EDA: variants seen among roughly 807,000 people sequenced by gnomAD.
The protein encoded by EDA is ectodysplasin A, also known as ectodysplasin-A.
EDA carries 2 observed loss-of-function variants against 23.6 expected under a neutral mutation model. The ratio of observed to expected loss-of-function variants is 0.08; its 90% CI spans 0.03 to 0.27. EDA has a LOEUF of 0.27. Among genes scored for constraint, EDA ranks in the 10% least tolerant of loss-of-function variants. The pLI is 1.00. For missense variants in EDA, 229 were observed against 324.2 expected (o/e 0.71, Z 2.26); for synonymous variants, 131 against 132.0 (o/e 0.99, Z 0.05).
chrX:69,677,919 A>T (rs1284835323), intron 1 of EDA, among the ~76,000 whole-genome samples: 19 of 109,678 alleles, frequency 1.7e-4, no homozygotes, highest in Non-Finnish European at 2.3e-4. Flanking sequence ...TGAATGGTAA[A>T]GCCTAGGTTT....
intron 1 of EDA, among the ~76,000 whole-genome samples, chrX:69,841,234 A>ATGGTCAAT (rs2016888940): frequency 8.9e-6 from 1 of 111,901 alleles, no homozygotes; most frequent in Admixed American, 9.5e-5. Context: ...CCTTGTTACT[A>ATGGTCAAT]TGGTCAATAG....
intron 1 of EDA, among the ~76,000 whole-genome samples, chrX:69,618,876 TAA>T (rs1410104075): frequency 1.9e-5 from 2 of 106,062 alleles, no homozygotes; most frequent in Non-Finnish European, 4.0e-5. Flanking sequence ...TTGTTCAACT[TAA>T]GTTTATCTTA....
chrX:69,826,796 G>A (rs750124629), intron 1 of EDA, among the ~76,000 whole-genome samples: 1 of 110,733 alleles, frequency 9.0e-6, no homozygotes, highest in African/African-American at 3.3e-5. Flanking sequence ...TCCTAGTCTC[G>A]ATGGTCTTTA....
chrX:69,787,767 G>T (rs1431142232), intron 1 of EDA, among the ~76,000 whole-genome samples: 1 of 110,174 alleles, frequency 9.1e-6, no homozygotes, highest in African/African-American at 3.3e-5. Context: ...ACAATTATGT[G>T]TCTTGCAGTT....
intron 1 of EDA, among the ~76,000 whole-genome samples, chrX:69,864,314 C>T (rs1244111628): frequency 9.1e-6 from 1 of 110,381 alleles, no homozygotes; most frequent in African/African-American, 3.3e-5. Context: ...TAGTACCAGC[C>T]CAGAGCCCAT....
chrX:69,945,684 G>A (rs928094921), intron 1 of EDA, among the ~76,000 whole-genome samples: 18 of 111,473 alleles, frequency 1.6e-4, no homozygotes, highest in African/African-American at 4.9e-4. Context: ...TTCTTTTTGA[G>A]TGGGTTGCTC....
chrX:69,716,516 AT>A (rs372180676), intron 1 of EDA, among the ~76,000 whole-genome samples: 1,544 of 96,719 alleles, frequency 0.016, 22 homozygotes, highest in African/African-American at 0.05. Flanking sequence ...CCTTCAGCTT[AT>A]TTTTTTTTTT....
At chrX:70,002,828 T>C (rs2019757186) in intron 2 of EDA, among the ~76,000 whole-genome samples, 1 of 112,145 alleles carries the variant, frequency 8.9e-6, no homozygotes, top group Non-Finnish European at 1.9e-5. Context: ...CAACACATAA[T>C]CAAGTTCTTT....
chrX:69,837,760 AG>A (rs1296157372), intron 1 of EDA, among the ~76,000 whole-genome samples: 1 of 112,193 alleles, frequency 8.9e-6, no homozygotes, highest in African/African-American at 3.2e-5. Context: ...GTGGCATATG[AG>A]GAATTGATTG....
chrX:69,824,324 G>C (rs1372262412), intron 1 of EDA, among the ~76,000 whole-genome samples: 38 of 108,960 alleles, frequency 3.5e-4, no homozygotes, highest in East Asian at 2.1e-3. Context: ...TTCTTCCTAC[G>C]CATGAGCATG....
chrX:69,978,723 G>T (rs1480114094), intron 2 of EDA, among the ~76,000 whole-genome samples: 1 of 110,281 alleles, frequency 9.1e-6, no homozygotes, highest in African/African-American at 3.3e-5. Context: ...CCAGTCATAG[G>T]CAACCAGCAA....
At chrX:69,918,346 G>A (rs1338674692) in intron 1 of EDA, among the ~76,000 whole-genome samples, 2 of 109,792 alleles carry the variant, frequency 1.8e-5, no homozygotes, top group Non-Finnish European at 3.8e-5. Flanking sequence ...CAGTAGAGAT[G>A]GGGTTTCGCC....
intron 1 of EDA, among the ~76,000 whole-genome samples, chrX:69,841,098 T>G (rs1367754541): frequency 8.9e-6 from 1 of 112,334 alleles, no homozygotes; most frequent in Non-Finnish European, 1.9e-5. Flanking sequence ...ATAAAAGTAA[T>G]TCAGTATGTG....
In EDA at chrX:69,761,419, CTTA is replaced by C. The variant is rs779947639; in HGVS notation, c.396+144718_396+144720del. The stretch of plus-strand genomic sequence containing the variant: ...TATGAAGTACTTTTACATACAGTAT[CTTA>C]TTTTGTCCTCATGACATTCCTGTGA... On this transcript the variant is annotated intron_variant, in intron 1 of 7. Coordinates refer to ENST00000374552, the MANE Select transcript of EDA (RefSeq NM_001399.5). Among the ~76,000 whole-genome samples, 36 of 111,919 alleles carry C rather than the reference CTTA, an allele frequency of 3.2e-4. No individual in the cohort carries two copies. The East Asian group carries it at 9.6e-3, about 30-fold the overall frequency.
chrX:69,809,370 C>G (rs780942258), intron 1 of EDA, among the ~76,000 whole-genome samples: 1 of 111,176 alleles, frequency 9.0e-6, no homozygotes, highest in African/African-American at 3.3e-5. Context: ...TTTTAAACAA[C>G]GAGATCTCAT....
chrX:69,784,927 T>A (rs1476201348), intron 1 of EDA, among the ~76,000 whole-genome samples: 1 of 111,422 alleles, frequency 9.0e-6, no homozygotes, highest in Non-Finnish European at 1.9e-5. Context: ...CCCATGAGCA[T>A]GGAATGTTCT....
chrX:69,721,708 T>G (rs1334277420), intron 1 of EDA, among the ~76,000 whole-genome samples: 1 of 111,435 alleles, frequency 9.0e-6, no homozygotes, highest in Non-Finnish European at 1.9e-5. Context: ...GTCTAGGTGG[T>G]CTTTCTCTGT....
chrX:69,807,755 T>C (rs2015848344), intron 1 of EDA, among the ~76,000 whole-genome samples: 1 of 110,531 alleles, frequency 9.0e-6, no homozygotes, highest in Middle Eastern at 4.7e-3. Flanking sequence ...GAGTTATCAG[T>C]GTCCACCCAT....
chrX:69,792,432 A>G (rs187612810), intron 1 of EDA, among the ~76,000 whole-genome samples: 6 of 111,871 alleles, frequency 5.4e-5, no homozygotes, highest in African/African-American at 2.0e-4. Context: ...ATAAATATGG[A>G]TGTGCATGTG....
Sources: allele counts gnomAD v4.1 joint callset (sites outside exome capture counted in the v4.1 genomes callset), GRCh38; gene constraint gnomAD v4.1.1; transcripts MANE v1.5; gene names NCBI Gene and HGNC (gene_info 2026-07-23, HGNC 2026-07-21).